Variants in AKAP6 observed in about 807,000 individuals in gnomAD.
The protein encoded by AKAP6 is A-kinase anchoring protein 6.
AKAP6 carries 58 observed loss-of-function variants against 188.5 expected under a neutral mutation model. The observed-to-expected ratio is 0.31, with a 90% CI of 0.25 to 0.38. AKAP6 has a LOEUF of 0.38. Ranked by LOEUF, AKAP6 falls within the 10% of genes least tolerant of loss-of-function variation. AKAP6 has a pLI of 1.00. For synonymous variants in AKAP6, 989 were observed against 998.6 expected (o/e 0.99, Z 0.18); for missense variants, 2,710 against 2,740.0 (o/e 0.99, Z 0.24).
intron 9 of AKAP6, among the ~76,000 whole-genome samples, chr14:32,714,031 G>A (rs2030042579): frequency 6.6e-6 from 1 of 151,946 alleles, no homozygotes; most frequent in South Asian, 2.1e-4. Flanking sequence ...AGTACTTAGA[G>A]GCCATTGTAG....
intron 7 of AKAP6, among the ~76,000 whole-genome samples, chr14:32,610,772 G>A (rs188842707): frequency 2.6e-5 from 4 of 152,298 alleles, no homozygotes; most frequent in East Asian, 3.9e-4. Context: ...GAGGGACATC[G>A]AAAGTGAACA....
At chr14:32,682,995 C>CTTTTTTTTTTTTGTTTTTGT (rs71115090) in intron 8 of AKAP6, among the ~76,000 whole-genome samples, 7 of 142,256 alleles carry the variant, frequency 4.9e-5, no homozygotes, top group African/African-American at 1.6e-4. Flanking sequence ...TTTTTTCTTC[C>CTTTTTTTTTTTTGTTTTTGT]TTTTTTTTTT....
intron 13 of AKAP6, among the ~76,000 whole-genome samples, chr14:32,828,523 TCTCTCTCA>T (rs759619120): frequency 0.018 from 573 of 31,344 alleles, no homozygotes; most frequent in East Asian, 0.024. Flanking sequence ...TCTCTCTCTC[TCTCTCTCA>T]CACACACACA....
chr14:32,510,404 GTATATATATGTATATATATACATA>G (rs1881140497), intron 2 of AKAP6, among the ~76,000 whole-genome samples: 4 of 74,756 alleles, frequency 5.4e-5, no homozygotes, highest in African/African-American at 2.4e-4. Context: ...GTATATATAT[GTATATATATGTATATATATACATA>G]TATATATGTG....
chr14:32,504,292 G>A (rs939321657), intron 2 of AKAP6, among the ~76,000 whole-genome samples: 2 of 152,054 alleles, frequency 1.3e-5, no homozygotes, highest in South Asian at 2.1e-4. Flanking sequence ...TGTTTTGTTT[G>A]TTTTTTGATA....
intron 2 of AKAP6, among the ~76,000 whole-genome samples, chr14:32,486,089 G>A (rs1879669933): frequency 6.6e-6 from 1 of 152,086 alleles, no homozygotes; most frequent in Admixed American, 6.5e-5. Flanking sequence ...TTTTTCCATT[G>A]CTTGTTTGTG....
intron 2 of AKAP6, among the ~76,000 whole-genome samples, chr14:32,496,479 G>T (rs1323420822): frequency 6.6e-6 from 1 of 151,940 alleles, no homozygotes. Context: ...TGTCTAAGGG[G>T]ATTTGGGAGT....
chr14:32,747,805 C>G (rs1005130806), intron 11 of AKAP6, among the ~76,000 whole-genome samples: 1 of 152,140 alleles, frequency 6.6e-6, no homozygotes, highest in Non-Finnish European at 1.5e-5. Flanking sequence ...GAATAGCAGC[C>G]CAATTCTTTC....
chr14:32,522,323 C>T (rs1274585033), intron 2 of AKAP6, among the ~76,000 whole-genome samples: 1 of 152,042 alleles, frequency 6.6e-6, no homozygotes, highest in Non-Finnish European at 1.5e-5. Context: ...GCAACAAAAG[C>T]CAAAATTGAC....
intron 1 of AKAP6, among the ~76,000 whole-genome samples, chr14:32,359,240 C>A (rs536184753): frequency 6.8e-4 from 103 of 152,112 alleles, no homozygotes; most frequent in Non-Finnish European, 1.2e-3. Context: ...CTGAGAGGAG[C>A]CTTTTCCAAA....
At chr14:32,614,178 T>C (rs1886463104) in intron 7 of AKAP6, among the ~76,000 whole-genome samples, 1 of 152,226 alleles carries the variant, frequency 6.6e-6, no homozygotes, top group Non-Finnish European at 1.5e-5. Context: ...TTCCTTGTTA[T>C]TATTTTTGTA....
chr14:32,704,372 C>A (rs1040170270), intron 9 of AKAP6, among the ~76,000 whole-genome samples: 1 of 152,062 alleles, frequency 6.6e-6, no homozygotes, highest in Non-Finnish European at 1.5e-5. Context: ...GCTTTAGCCC[C>A]AGATATTTGT....
intron 12 of AKAP6, among the ~76,000 whole-genome samples, chr14:32,774,814 T>C (rs2033005508): frequency 6.6e-6 from 1 of 152,170 alleles, no homozygotes; most frequent in Non-Finnish European, 1.5e-5. Flanking sequence ...TATTTTTCAG[T>C]TCTATAACTT....
intron 11 of AKAP6, among the ~76,000 whole-genome samples, chr14:32,743,138 T>G (rs1566680671): frequency 6.6e-6 from 1 of 152,144 alleles, no homozygotes; most frequent in Non-Finnish European, 1.5e-5. Flanking sequence ...TGGTCTCTTC[T>G]TATAGTTTTT....
rs753797152 is a variant in AKAP6, at chr14:32,835,344, T to G, written c.*5539T>G. 6.6e-6 allele frequency: 1 copy of G among 152,184 alleles called. No homozygotes were observed. Among genetic ancestry groups the G allele is most frequent in the Non-Finnish European group, 1.5e-5 (1 of 68,028 alleles). 9.4% of individuals were successfully genotyped at this position (152,184 alleles called of 1,614,324 possible). On this transcript the variant is annotated 3_prime_UTR_variant, in exon 14 of 14. Coordinates refer to ENST00000280979, the MANE Select transcript of AKAP6 (RefSeq NM_004274.5). Reference sequence around the variant, plus strand: ...TATTACCTTAAAAAATAAAGTGCACTTAAAGATTGTTTCACATCCACAGTT... The same window carrying G: ...TATTACCTTAAAAAATAAAGTGCACGTAAAGATTGTTTCACATCCACAGTT...
intron 7 of AKAP6, among the ~76,000 whole-genome samples, chr14:32,644,816 C>T (rs1024388148): frequency 6.6e-6 from 1 of 152,152 alleles, no homozygotes; most frequent in African/African-American, 2.4e-5. Context: ...ATTGCATTCA[C>T]AAAGAGCTCA....
chr14:32,758,663 G>A (rs528661986), intron 11 of AKAP6, among the ~76,000 whole-genome samples: 58 of 152,182 alleles, frequency 3.8e-4, no homozygotes, highest in African/African-American at 1.3e-3. Context: ...AACCCAGGAG[G>A]AGAAGGATGC....
intron 2 of AKAP6, among the ~76,000 whole-genome samples, chr14:32,528,514 C>G (rs1882246274): frequency 6.6e-6 from 1 of 152,056 alleles, no homozygotes; most frequent in Non-Finnish European, 1.5e-5. Context: ...TCTAGGCTGT[C>G]TATTCTGTTC....
chr14:32,784,481 T>C (rs531555595), intron 12 of AKAP6, among the ~76,000 whole-genome samples: 322 of 152,304 alleles, frequency 2.1e-3, no homozygotes, highest in Middle Eastern at 3.4e-3. Flanking sequence ...GTGTTATACA[T>C]TGTGAGGAGA....
Sources: allele counts gnomAD v4.1 joint callset (sites outside exome capture counted in the v4.1 genomes callset), GRCh38; gene constraint gnomAD v4.1.1; transcripts MANE v1.5; gene names NCBI Gene and HGNC (gene_info 2026-07-23, HGNC 2026-07-21).